Variants in ZFYVE1 observed in about 807,000 individuals in gnomAD.
ZFYVE1 encodes zinc finger FYVE-type containing 1.
Under a neutral mutation model 74.4 loss-of-function variants are expected in ZFYVE1, and 30 were observed. The observed-to-expected ratio is 0.40, with a 90% CI of 0.30 to 0.55. The LOEUF is 0.55. ZFYVE1 is among the 20% of genes least tolerant of loss of function. The pLI is 0.42. For synonymous variants in ZFYVE1, 335 were observed against 385.1 expected (o/e 0.87, Z 1.52); for missense variants, 703 against 1,011.6 (o/e 0.69, Z 4.14).
intron 5 of ZFYVE1, among the ~76,000 whole-genome samples, chr14:72,980,952 T>C (rs182804447): frequency 2.4e-4 from 37 of 152,310 alleles, no homozygotes; most frequent in African/African-American, 8.9e-4. Context: ...GATCCTGCCC[T>C]TCAGGTTTTT....
intron 5 of ZFYVE1, among the ~76,000 whole-genome samples, chr14:72,980,399 G>A (rs372420871): frequency 4.7e-4 from 71 of 152,104 alleles, no homozygotes; most frequent in African/African-American, 1.7e-3. Flanking sequence ...ATCTGACCTC[G>A]ACACACTGCA....
intron 4 of ZFYVE1, 120 bp downstream of exon 4, chr14:72,993,023 T>C (rs1893656804): frequency 1.0e-6 from 1 of 995,470 alleles, no homozygotes; most frequent in Non-Finnish European, 1.4e-6. Flanking sequence ...TGCTTCCGCT[T>C]CTTATAACCT....
At chr14:73,010,381 C>T (rs1314039594) in intron 2 of ZFYVE1, among the ~76,000 whole-genome samples, 1 of 152,124 alleles carries the variant, frequency 6.6e-6, no homozygotes, top group Non-Finnish European at 1.5e-5. Flanking sequence ...GCAGGCAGAT[C>T]ACCTGAGGTC....
chr14:73,014,678 A>C (rs77089029), intron 2 of ZFYVE1, among the ~76,000 whole-genome samples: 11,139 of 152,342 alleles, frequency 0.073, 548 homozygotes, highest in East Asian at 0.19. Flanking sequence ...TTGGAAGAGA[A>C]AAATGGGAAA....
At chr14:72,999,382 G>A (rs929959702) in intron 2 of ZFYVE1, among the ~76,000 whole-genome samples, 3 of 151,874 alleles carry the variant, frequency 2.0e-5, no homozygotes, top group South Asian at 2.1e-4. Flanking sequence ...AGCAGCGATC[G>A]CACCATTGCA....
chr14:73,015,831 C>T (rs555008849), intron 2 of ZFYVE1, among the ~76,000 whole-genome samples: 2 of 152,228 alleles, frequency 1.3e-5, no homozygotes, highest in South Asian at 2.1e-4. Context: ...TTGTTGGGCA[C>T]GGTGGCTCAC....
intron 2 of ZFYVE1, among the ~76,000 whole-genome samples, chr14:73,018,716 G>A (rs924493195): frequency 6.6e-6 from 1 of 152,104 alleles, no homozygotes; most frequent in Non-Finnish European, 1.5e-5. Context: ...GGCCAAGGTG[G>A]GCAGATCATG....
intron 8 of ZFYVE1, among the ~76,000 whole-genome samples, chr14:72,977,276 C>T (rs755480326): frequency 6.6e-6 from 1 of 151,966 alleles, no homozygotes; most frequent in Non-Finnish European, 1.5e-5. Flanking sequence ...GCGTGGCGGT[C>T]GTGCCTGTAA....
chr14:73,014,217 T>C (rs1262137594), intron 2 of ZFYVE1, among the ~76,000 whole-genome samples: 2 of 152,194 alleles, frequency 1.3e-5, no homozygotes, highest in South Asian at 2.1e-4. Flanking sequence ...GAAACATCCT[T>C]GTACTAAAAC....
chr14:73,006,525 A>G (rs1216417029), intron 2 of ZFYVE1, among the ~76,000 whole-genome samples: 1 of 151,388 alleles, frequency 6.6e-6, no homozygotes, highest in African/African-American at 2.4e-5. Flanking sequence ...CAGTGAGCCG[A>G]GATTGCACCA....
intron 2 of ZFYVE1, among the ~76,000 whole-genome samples, chr14:73,001,770 G>C (rs1296545370): frequency 1.3e-5 from 2 of 148,576 alleles, no homozygotes; most frequent in Non-Finnish European, 3.0e-5. Flanking sequence ...CCAACATGGA[G>C]AAACCCCGTC....
chr14:72,990,687 G>GC lies in ZFYVE1; in HGVS notation c.1203+2455dup, dbSNP rs1223917051. On this transcript the variant is annotated intron_variant, in intron 4 of 11. Transcript: ENST00000556143. ...TTAAGGGCGTGAGCCACCGCACCTG[G>GC]CCTTTTTTTTTTTTTTTTTTTTTTT... is the stretch of plus-strand genomic sequence containing the variant. 1.6e-3 allele frequency among the ~76,000 whole-genome samples: 161 copies of GC among 101,536 alleles called. 1 individual carries two copies. The highest frequency in any genetic ancestry group is 2.5e-3 in the Non-Finnish European group (124 of 49,422). The allele number at this position is 101,536 out of a possible 152,430, so 66.6% of individuals were successfully genotyped here. A position where few individuals can be genotyped will look rare whatever the true frequency, so the allele number is the denominator to read the frequency against.
In ZFYVE1 at chr14:72,970,808, G is replaced by A; in HGVS notation, c.*74C>T. 3 of 1,480,368 alleles carry A rather than the reference G, an allele frequency of 2.0e-6. No homozygotes were observed. The highest frequency in any genetic ancestry group is 2.8e-6 in the Non-Finnish European group (3 of 1,084,004). 91.7% of individuals were successfully genotyped at this position (1,480,368 alleles called of 1,614,324 possible). On this transcript the variant is annotated 3_prime_UTR_variant, in exon 12 of 12. Transcript: ENST00000556143. ...ACACCACAGCAGGTGACTGGGAGGA[G>A]GGCCTACCTCGCAAGACTGTTTCTA... is the stretch of plus-strand genomic sequence containing the variant.
intron 3 of ZFYVE1, among the ~76,000 whole-genome samples, chr14:72,994,680 G>C (rs189254323): frequency 6.6e-6 from 1 of 152,066 alleles, no homozygotes; most frequent in South Asian, 2.1e-4. Context: ...CCTACTTCCC[G>C]AAAGTAACCA....
intron 4 of ZFYVE1, among the ~76,000 whole-genome samples, chr14:72,991,390 C>T (rs985854259): frequency 2.0e-5 from 3 of 151,932 alleles, no homozygotes; most frequent in Admixed American, 6.6e-5. Context: ...GGGGTTTCAC[C>T]GTGTTAGCCA....
At position 72,981,883 on chromosome 14, in the gene ZFYVE1, G is replaced by C. The variant is rs142358330; in HGVS notation, c.1216C>G (p.Arg406Gly). ...IFKALKALSDRFSGEIPDDQM... is the reference protein window; with the variant it reads ...IFKALKALSDGFSGEIPDDQM... ...TCATCGGGGATCTCACCGCTGAAGCGGTCACTTAGTGCCTGCCAAGGAGGG... is the reference window on the plus strand; with the variant it reads ...TCATCGGGGATCTCACCGCTGAAGCCGTCACTTAGTGCCTGCCAAGGAGGG... Residue 406 changes from arginine (R) to glycine (G), a missense_variant, in exon 5 of 12, where the codon CGC (arginine) becomes GGC (glycine). By Grantham distance (125) the Arg-to-Gly change is moderately radical. Around this residue, in one of 2 missense-constraint regions of ZFYVE1, gnomAD observed 492 missense variants for 790.0 expected, o/e 0.62. Transcript: ENST00000556143. The C allele has an allele frequency of 6.2e-7, 1 of 1,613,962 alleles. No homozygotes were observed. Among genetic ancestry groups the C allele is most frequent in the Non-Finnish European group, 8.5e-7 (1 of 1,180,034 alleles).
At position 72,975,409 on chromosome 14, in the gene ZFYVE1, C is replaced by T; in HGVS notation, c.1806+142G>A. 9.3e-7 allele frequency: 1 copy of T among 1,072,466 alleles called. No homozygotes were observed. The allele number at this position is 1,072,466 out of a possible 1,614,324, so 66.4% of individuals were successfully genotyped here. On this transcript the variant is annotated intron_variant, in intron 9 of 11. Transcript: ENST00000556143. This position sits in a 1 kb window ranked among gnomAD's most constrained non-coding sequence, Gnocchi z 4.1. Reference sequence around the variant, plus strand: ...GAAACTGGCTGCCTCAACGACTCCTCCCCTTGCCGGTACTCACAGAGCTCA... The same window carrying T: ...GAAACTGGCTGCCTCAACGACTCCTTCCCTTGCCGGTACTCACAGAGCTCA...
At chr14:72,978,727 G>T in intron 6 of ZFYVE1, 134 bp downstream of exon 6, 1 of 706,388 alleles carries the variant, frequency 1.4e-6, no homozygotes, top group East Asian at 2.6e-5. Flanking sequence ...GAGCTGGAGA[G>T]AAGTTCCAGA....
At chr14:72,998,859 AAAAG>A (rs1307268638) in intron 2 of ZFYVE1, among the ~76,000 whole-genome samples, 5 of 151,982 alleles carry the variant, frequency 3.3e-5, no homozygotes, top group Non-Finnish European at 5.9e-5. Context: ...TCAAAAAAAA[AAAAG>A]AAAGGGGGGT....
Sources: gnomAD v4.1 joint callset for allele counts (sites outside exome capture counted in the v4.1 genomes callset) on GRCh38, gnomAD v4.1.1 for gene constraint, gnomAD v4.1.1 regional missense constraint, Gnocchi (gnomAD v3.1) non-coding constraint, MANE v1.5 for transcripts, NCBI Gene and HGNC (gene_info 2026-07-23, HGNC 2026-07-21) for gene names.